The following ABHD18 variants were observed in gnomAD, a reference collection of about 807,000 sequenced individuals.
The protein encoded by ABHD18 is abhydrolase domain containing 18.
ABHD18 carries 55 observed loss-of-function variants against 65.9 expected under a neutral mutation model. The observed-to-expected ratio is 0.84, with a 90% confidence interval of 0.67 to 1.05. The LOEUF (loss-of-function observed/expected upper bound fraction) is 1.05, where lower values mean the gene tolerates loss of function less well. Among genes scored for constraint, ABHD18 ranks in the 50% least tolerant of loss-of-function variants. The pLI is 0.00. For synonymous variants in ABHD18, 181 were observed against 180.2 expected (o/e 1.00, Z -0.04); for missense variants, 533 against 558.5 (o/e 0.95, Z 0.46).
chr4:127,989,891 T>C, intron 4 of ABHD18, 70 bp downstream of exon 4: 1 of 957,174 alleles, frequency 1.0e-6, no homozygotes, highest in Non-Finnish European at 1.5e-6. Flanking sequence ...ATCAACACTA[T>C]GTTATTTGAA....
chr4:127,979,664 C>T (rs180695185), intron 1 of ABHD18, among the ~76,000 whole-genome samples: 1 of 151,956 alleles, frequency 6.6e-6, no homozygotes, highest in Non-Finnish European at 1.5e-5. Flanking sequence ...ACCTATAATC[C>T]CAGCACTTTG....
At chr4:128,024,528 C>T (rs551960219) in intron 10 of ABHD18, among the ~76,000 whole-genome samples, 2 of 152,090 alleles carry the variant, frequency 1.3e-5, no homozygotes, top group East Asian at 3.9e-4. Flanking sequence ...TTTGTATTTT[C>T]CCAGTCAAAA....
At chr4:128,018,896 C>T (rs1271853720) in intron 8 of ABHD18, among the ~76,000 whole-genome samples, 1 of 151,628 alleles carries the variant, frequency 6.6e-6, no homozygotes, top group Non-Finnish European at 1.5e-5. Flanking sequence ...TGCCTGTAAT[C>T]CCAGCTACTC....
chr4:128,020,206 T>C (rs1213582846), intron 9 of ABHD18, 37 bp downstream of exon 9: 127 of 1,504,312 alleles, frequency 8.4e-5, no homozygotes, highest in Non-Finnish European at 1.1e-4. Context: ...TAGCTATATA[T>C]AATTAGAGGT....
intron 1 of ABHD18, among the ~76,000 whole-genome samples, chr4:127,971,925 C>T (rs1746899366): frequency 6.6e-6 from 1 of 152,054 alleles, no homozygotes; most frequent in South Asian, 2.1e-4. Context: ...ATGCAGACCC[C>T]ACAAGTTAAG....
In ABHD18 at chr4:128,021,319, T is replaced by C. The variant is rs1332933331; in HGVS notation, c.801+81T>C. ...TAATGATTCAGGTTTTTAAAGAGAA[T>C]AGCAAATTTTTAAAAACATAGCTGT... On this transcript the variant is annotated intron_variant, in intron 10 of 12. Coordinates refer to ENST00000645843, the MANE Select transcript of ABHD18 (RefSeq NM_001358451.3). The C allele has an allele frequency of 9.3e-6, 8 of 855,816 alleles. No homozygotes were observed. In the East Asian group the frequency reaches 1.3e-4, roughly 14 times the overall value. 53.0% of individuals were successfully genotyped at this position (855,816 alleles called of 1,614,324 possible). A position where few individuals can be genotyped will look rare whatever the true frequency, so the allele number is the denominator to read the frequency against.
chr4:128,030,841 T>C, intron 12 of ABHD18, 169 bp downstream of exon 12: 1 of 1,365,830 alleles, frequency 7.3e-7, no homozygotes, highest in Non-Finnish European at 9.4e-7. Context: ...TTTCCTAGAA[T>C]TTGATCTTCT....
chr4:127,997,289 T>G (rs1264110882), intron 4 of ABHD18, among the ~76,000 whole-genome samples: 1 of 152,228 alleles, frequency 6.6e-6, no homozygotes, highest in Non-Finnish European at 1.5e-5. Flanking sequence ...ACTTTCTAAT[T>G]GATTTGCATC....
At chr4:128,026,745 C>A (rs1484786491) in intron 10 of ABHD18, among the ~76,000 whole-genome samples, 1 of 151,686 alleles carries the variant, frequency 6.6e-6, no homozygotes, top group African/African-American at 2.4e-5. Flanking sequence ...ATAAGGTGGT[C>A]CAAAAGATTG....
chr4:128,010,468 A>G (rs950863339), intron 6 of ABHD18, among the ~76,000 whole-genome samples: 1 of 151,948 alleles, frequency 6.6e-6, no homozygotes, highest in African/African-American at 2.4e-5. Context: ...GACAGGTTGC[A>G]GTGAGCCAAG....
At chr4:128,009,891 C>T (rs1353295647) in intron 6 of ABHD18, among the ~76,000 whole-genome samples, 1 of 152,120 alleles carries the variant, frequency 6.6e-6, no homozygotes, top group Admixed American at 6.5e-5. Context: ...GTAAACATGT[C>T]AGTAAAGCAT....
At chr4:128,013,655 G>A (rs1189922029) in intron 7 of ABHD18, among the ~76,000 whole-genome samples, 1 of 151,064 alleles carries the variant, frequency 6.6e-6, no homozygotes, top group Non-Finnish European at 1.5e-5. Flanking sequence ...CCGAGATTGC[G>A]CCACTGCACT....
At chr4:127,965,785 C>G (rs1173086637) in intron 1 of ABHD18, 179 bp downstream of exon 1, 1 of 155,304 alleles carries the variant, frequency 6.4e-6, no homozygotes, top group Admixed American at 6.3e-5. Flanking sequence ...TGGCGCGCTT[C>G]GGAGGGCTGA....
intron 6 of ABHD18, among the ~76,000 whole-genome samples, chr4:128,011,293 C>T (rs1046820843): frequency 1.1e-4 from 17 of 151,910 alleles, no homozygotes; most frequent in East Asian, 9.7e-4. Flanking sequence ...ACACTACAGG[C>T]GCCCGCCACC....
rs534261907 is a variant in ABHD18 at position 127,975,724 on chromosome 4, T to C, written c.-17-7215T>C. On this transcript the variant is annotated intron_variant, in intron 1 of 12. Coordinates refer to ENST00000645843, the MANE Select transcript of ABHD18 (RefSeq NM_001358451.3). ...TTAGATAGAATATTAATTTTAGGTCTACTTTATGGCATATAGAATTTTTTT... is the reference window on the plus strand; with the variant it reads ...TTAGATAGAATATTAATTTTAGGTCCACTTTATGGCATATAGAATTTTTTT... 1.1e-4 allele frequency among the ~76,000 whole-genome samples: 16 copies of C among 152,362 alleles called. No individual in the cohort carries two copies. In the South Asian group the frequency reaches 3.3e-3, roughly 32 times the overall value.
chr4:127,984,413 A>C lies in ABHD18; in HGVS notation c.167A>C (p.His56Pro). The C allele has an allele frequency of 6.5e-7, 1 of 1,533,098 alleles. No individual in the cohort carries two copies. The highest frequency in any genetic ancestry group is 8.8e-7 in the Non-Finnish European group (1 of 1,132,600). The allele number at this position is 1,533,098 out of a possible 1,614,324, so 95.0% of individuals were successfully genotyped here. A position where few individuals can be genotyped will look rare whatever the true frequency, so the allele number is the denominator to read the frequency against. Residue 56 changes from histidine (H) to proline (P), a missense_variant, in exon 3 of 13, where the codon CAC becomes CCC. Coordinates refer to ENST00000645843, the MANE Select transcript of ABHD18 (RefSeq NM_001358451.3). ...QNLVSSDYPV[H>P]IDKIEEQSDC... Reference sequence around the variant, plus strand: ...CTGGTTTCAAGCGATTATCCAGTACACATTGATAAGGTATTCAAATGAGAG... The same window carrying C: ...CTGGTTTCAAGCGATTATCCAGTACCCATTGATAAGGTATTCAAATGAGAG...
chr4:127,980,233 C>T lies in ABHD18; in HGVS notation c.-17-2706C>T, dbSNP rs188318123. ...TAGTTATCTGGAGAGTGGGCTTGCT[C>T]TAAAAGTGAGTTCGATTCTCTATTG... On this transcript the variant is annotated intron_variant, in intron 1 of 12. Transcript: ENST00000645843. Among the ~76,000 whole-genome samples the T allele has an allele frequency of 1.9e-4, 29 of 152,240 alleles. No individual in the cohort carries two copies. In the East Asian group the frequency reaches 5.4e-3, roughly 28 times the overall value.
chr4:128,033,712 A>G (rs189315631), intron 12 of ABHD18, among the ~76,000 whole-genome samples: 1 of 149,194 alleles, frequency 6.7e-6, no homozygotes, highest in East Asian at 2.1e-4. Flanking sequence ...ATTTTTTTCT[A>G]TTTTTAGTAG....
intron 4 of ABHD18, among the ~76,000 whole-genome samples, chr4:127,995,064 G>C (rs1751521334): frequency 6.6e-6 from 1 of 152,114 alleles, no homozygotes; most frequent in Non-Finnish European, 1.5e-5. Flanking sequence ...ATTTTTAGTA[G>C]AGATGGGGTT....
Sources: allele counts gnomAD v4.1 joint callset (sites outside exome capture counted in the v4.1 genomes callset), GRCh38; gene constraint gnomAD v4.1.1; transcripts MANE v1.5; gene names NCBI Gene and HGNC (gene_info 2026-07-23, HGNC 2026-07-21).